Variants in STARD13 observed in about 807,000 individuals in gnomAD.
The protein encoded by STARD13 is stAR-related lipid transfer protein 13.
STARD13 carries 62 observed loss-of-function variants against 106.4 expected under a neutral mutation model. That is an observed-to-expected ratio of 0.58 (90% CI 0.48 to 0.72). The LOEUF (loss-of-function observed/expected upper bound fraction) is 0.72, where lower values mean the gene tolerates loss of function less well. Ranked by LOEUF, STARD13 falls within the 30% of genes least tolerant of loss-of-function variation. The pLI is 0.00. For synonymous variants in STARD13, 565 were observed against 553.0 expected, an observed-to-expected ratio of 1.02 and a Z score of -0.31; for missense variants, 1,387 against 1,424.0, an observed-to-expected ratio of 0.97 and a Z score of 0.42.
At chr13:33,249,209 A>T (rs1889977377) in intron 1 of STARD13, among the ~76,000 whole-genome samples, 1 of 152,208 alleles carries the variant, frequency 6.6e-6, no homozygotes, top group Non-Finnish European at 1.5e-5. Context: ...AAATCAACAG[A>T]CACACAAAGG....
the STARD13 span, among the ~76,000 whole-genome samples, chr13:33,588,134 C>A: frequency 6.6e-6 from 1 of 152,078 alleles, no homozygotes. Flanking sequence ...ATCTTGCTGG[C>A]TATGCAGTGA....
At chr13:33,454,385 T>C in the STARD13 span, among the ~76,000 whole-genome samples, 1 of 152,222 alleles carries the variant, frequency 6.6e-6, no homozygotes, top group African/African-American at 2.4e-5. Context: ...CCAACTTTCC[T>C]TTCTACCTTC....
At chr13:33,248,996 C>T (rs567939668) in intron 1 of STARD13, among the ~76,000 whole-genome samples, 1 of 152,264 alleles carries the variant, frequency 6.6e-6, no homozygotes, top group South Asian at 2.1e-4. Flanking sequence ...ACTCCTTTTT[C>T]CCCTTGCCAG....
intron 1 of STARD13, among the ~76,000 whole-genome samples, chr13:33,252,518 C>G (rs1013900634): frequency 1.3e-5 from 2 of 152,182 alleles, no homozygotes; most frequent in Admixed American, 6.5e-5. Context: ...CAGCTTTGAA[C>G]AGTTCTCACT....
the STARD13 span, among the ~76,000 whole-genome samples, chr13:33,399,119 C>CAT: frequency 1.1e-4 from 17 of 151,998 alleles, no homozygotes; most frequent in East Asian, 5.8e-4. Context: ...GAAAATGTGA[C>CAT]ATATATATAT....
chr13:33,425,987 C>CT, the STARD13 span, among the ~76,000 whole-genome samples: 1 of 152,174 alleles, frequency 6.6e-6, no homozygotes, highest in Admixed American at 6.5e-5. Context: ...AATGTTGACT[C>CT]TGATAGTCTG....
the STARD13 span, among the ~76,000 whole-genome samples, chr13:33,459,871 A>G: frequency 6.6e-6 from 1 of 152,318 alleles, no homozygotes; most frequent in Admixed American, 6.5e-5. Context: ...ACATAGACTT[A>G]TTGCTCCAAT....
At chr13:33,503,805 A>C in the STARD13 span, among the ~76,000 whole-genome samples, 1 of 151,908 alleles carries the variant, frequency 6.6e-6, no homozygotes, top group East Asian at 1.9e-4. Context: ...CTTCCATCAG[A>C]GTGAACAGGC....
chr13:33,591,141 C>T, the STARD13 span, among the ~76,000 whole-genome samples: 2 of 152,376 alleles, frequency 1.3e-5, no homozygotes, highest in African/African-American at 4.8e-5. Flanking sequence ...TGCAGTTTCA[C>T]TGCAAGGCGA....
At chr13:33,259,617 G>A (rs542862178) in intron 1 of STARD13, among the ~76,000 whole-genome samples, 12 of 152,306 alleles carry the variant, frequency 7.9e-5, no homozygotes, top group Non-Finnish European at 1.5e-4. Context: ...AAGATCAAGA[G>A]CAAAGGAATC....
At chr13:33,410,431 TA>T in the STARD13 span, among the ~76,000 whole-genome samples, 2 of 152,222 alleles carry the variant, frequency 1.3e-5, no homozygotes, top group Admixed American at 1.3e-4. Context: ...CAATTAAAGT[TA>T]GGATGCTAAG....
chr13:33,477,759 T>C, the STARD13 span, among the ~76,000 whole-genome samples: 33,444 of 152,086 alleles, frequency 0.22, 6,805 homozygotes, highest in African/African-American at 0.54. Flanking sequence ...GACTGAGAAA[T>C]GAGGAGAAGG....
the STARD13 span, among the ~76,000 whole-genome samples, chr13:33,659,308 C>T: frequency 3.3e-5 from 5 of 151,308 alleles, no homozygotes; most frequent in African/African-American, 4.9e-5. Context: ...CTCTGCCTCC[C>T]GGGTTCAAGC....
intron 8 of STARD13, 128 bp from the exon 9 acceptor site, chr13:33,113,059 G>C: frequency 1.6e-6 from 1 of 644,674 alleles, no homozygotes; most frequent in East Asian, 2.8e-5. Flanking sequence ...AAAACAACCA[G>C]AACAGCAGGA....
chr13:33,609,384 G>T, the STARD13 span, among the ~76,000 whole-genome samples: 1 of 152,036 alleles, frequency 6.6e-6, no homozygotes, highest in African/African-American at 2.4e-5. Context: ...AAGCGGCCAG[G>T]TACCACTTGA....
chr13:33,297,137 C>T (rs1456514201), intron 1 of STARD13, among the ~76,000 whole-genome samples: 1 of 152,206 alleles, frequency 6.6e-6, no homozygotes, highest in Non-Finnish European at 1.5e-5. Flanking sequence ...ATCTTTACAG[C>T]GTGATGCTTA....
chr13:33,499,511 C>CTTCTTCTTCTTCTTTCT, the STARD13 span, among the ~76,000 whole-genome samples: 1 of 69,146 alleles, frequency 1.4e-5, no homozygotes, highest in Non-Finnish European at 2.8e-5. Context: ...TCTTCTTCTT[C>CTTCTTCTTCTTCTTTCT]TTCTTTCTTT....
chr13:33,204,779 C>T (rs544936205), intron 1 of STARD13, among the ~76,000 whole-genome samples: 11 of 152,348 alleles, frequency 7.2e-5, no homozygotes, highest in African/African-American at 2.6e-4. Context: ...TGATTCCAGA[C>T]GTTGGCCTGT....
chr13:33,321,003 T>C (rs1893539857), intron 1 of STARD13, among the ~76,000 whole-genome samples: 1 of 152,226 alleles, frequency 6.6e-6, no homozygotes, highest in East Asian at 1.9e-4. Context: ...GAGACTATTA[T>C]AAGTCACACA....
Sources: gnomAD v4.1 joint callset for allele counts (sites outside exome capture counted in the v4.1 genomes callset) on GRCh38, gnomAD v4.1.1 for gene constraint, MANE v1.5 for transcripts, NCBI Gene and HGNC (gene_info 2026-07-23, HGNC 2026-07-21) for gene names.